The following CLSTN2 variants were observed in gnomAD, a reference collection of about 807,000 sequenced individuals.
CLSTN2 encodes calsyntenin-2.
Under a neutral mutation model 101.2 loss-of-function variants are expected in CLSTN2, and 48 were observed. The observed-to-expected ratio is 0.47, with a 90% confidence interval of 0.38 to 0.60. CLSTN2 has a LOEUF of 0.60. Ranked by LOEUF, CLSTN2 falls within the 20% of genes least tolerant of loss-of-function variation. CLSTN2 has a pLI of 0.00. For synonymous variants in CLSTN2, 481 were observed against 463.6 expected (o/e 1.04, Z -0.48); for missense variants, 1,160 against 1,238.2 (o/e 0.94, Z 0.95).
At chr3:140,021,579 T>A (rs531909815) in intron 1 of CLSTN2, among the ~76,000 whole-genome samples, 1 of 152,216 alleles carries the variant, frequency 6.6e-6, no homozygotes, top group East Asian at 1.9e-4. Flanking sequence ...TATGAATGTG[T>A]CTCTGTATGC....
intron 2 of CLSTN2, among the ~76,000 whole-genome samples, chr3:140,358,041 G>A (rs2087691944): frequency 6.6e-6 from 1 of 152,194 alleles, no homozygotes; most frequent in Non-Finnish European, 1.5e-5. Context: ...GGGTTAAGCT[G>A]TCTTTGATCC....
chr3:140,204,245 C>G (rs570553452), intron 2 of CLSTN2, among the ~76,000 whole-genome samples: 9 of 152,252 alleles, frequency 5.9e-5, no homozygotes, highest in African/African-American at 2.2e-4. Context: ...TTTGGGGCCA[C>G]CCAAAAACAT....
chr3:140,171,752 GTATAATA>G (rs67310886), intron 1 of CLSTN2, among the ~76,000 whole-genome samples: 11,598 of 94,388 alleles, frequency 0.12, 813 homozygotes, highest in Middle Eastern at 0.17. Flanking sequence ...TATATAATAT[GTATAATA>G]TATAATATAT....
At chr3:140,241,471 G>C (rs937464829) in intron 2 of CLSTN2, among the ~76,000 whole-genome samples, 1 of 152,122 alleles carries the variant, frequency 6.6e-6, no homozygotes, top group Non-Finnish European at 1.5e-5. Flanking sequence ...AAACATGTAA[G>C]AAATGACCTA....
intron 5 of CLSTN2, among the ~76,000 whole-genome samples, chr3:140,426,161 G>A (rs2088563052): frequency 3.3e-5 from 5 of 152,138 alleles, no homozygotes; most frequent in Admixed American, 3.3e-4. Flanking sequence ...ACATGTGCAG[G>A]ACATGCAGGT....
chr3:140,024,114 G>A (rs911080916), intron 1 of CLSTN2, among the ~76,000 whole-genome samples: 3 of 152,174 alleles, frequency 2.0e-5, no homozygotes, highest in African/African-American at 7.2e-5. Flanking sequence ...AAATGGGGGT[G>A]GATCATGTCA....
intron 2 of CLSTN2, among the ~76,000 whole-genome samples, chr3:140,207,560 T>C (rs1002561956): frequency 6.6e-6 from 1 of 152,202 alleles, no homozygotes; most frequent in Non-Finnish European, 1.5e-5. Context: ...GCTTCACAAA[T>C]TCAAAAGTTC....
At chr3:140,233,458 G>A (rs542475717) in intron 2 of CLSTN2, among the ~76,000 whole-genome samples, 1 of 152,222 alleles carries the variant, frequency 6.6e-6, no homozygotes, top group South Asian at 2.1e-4. Context: ...TCCTCCTCGA[G>A]CTATGGACTC....
At chr3:140,046,657 G>T (rs1307312436) in intron 1 of CLSTN2, among the ~76,000 whole-genome samples, 1 of 152,142 alleles carries the variant, frequency 6.6e-6, no homozygotes, top group African/African-American at 2.4e-5. Flanking sequence ...GGTACCGGTT[G>T]TTCCTTTCCA....
rs992674024 is a variant in CLSTN2 at position 140,108,350 on chromosome 3, T to C, written c.110-67601T>C. 5.3e-5 allele frequency among the ~76,000 whole-genome samples: 8 copies of C among 152,214 alleles called. No individual in the cohort carries two copies. In the East Asian group the frequency reaches 1.5e-3, roughly 29 times the overall value. On this transcript the variant is annotated intron_variant, in intron 1 of 16. Transcript: ENST00000458420. ...ATTACTTAGAAGTCAAAGTCTCCAT[T>C]ACACTTGTCCAAGTCATAAGAAGAA... is the stretch of plus-strand genomic sequence containing the variant.
chr3:140,134,803 C>A (rs2009575416), intron 1 of CLSTN2, among the ~76,000 whole-genome samples: 1 of 151,964 alleles, frequency 6.6e-6, no homozygotes. Context: ...GATGCATGAG[C>A]TGTCATTCCA....
At chr3:140,070,643 A>G (rs929756345) in intron 1 of CLSTN2, among the ~76,000 whole-genome samples, 6 of 152,162 alleles carry the variant, frequency 3.9e-5, no homozygotes, top group African/African-American at 1.4e-4. Flanking sequence ...CCCAGCTATT[A>G]ACTATTACAT....
chr3:139,956,070 T>G (rs1196251332), intron 1 of CLSTN2, among the ~76,000 whole-genome samples: 1 of 152,192 alleles, frequency 6.6e-6, no homozygotes, highest in African/African-American at 2.4e-5. Context: ...GAGATTTCCC[T>G]TGTCACGACT....
chr3:140,287,201 C>A (rs2086902884), intron 2 of CLSTN2, among the ~76,000 whole-genome samples: 1 of 152,038 alleles, frequency 6.6e-6, no homozygotes, highest in Non-Finnish European at 1.5e-5. Flanking sequence ...ATCAGCAATA[C>A]AAAGCAGTAA....
intron 1 of CLSTN2, among the ~76,000 whole-genome samples, chr3:139,937,265 C>A (rs1005105092): frequency 6.6e-6 from 1 of 152,048 alleles, no homozygotes. Flanking sequence ...AGTAATAATG[C>A]ACGGCTGAGT....
intron 2 of CLSTN2, among the ~76,000 whole-genome samples, chr3:140,234,434 C>T (rs577128519): frequency 6.6e-5 from 10 of 152,172 alleles, no homozygotes; most frequent in Non-Finnish European, 1.3e-4. Context: ...AAACTTAACT[C>T]TCAGGGTCTC....
At chr3:140,437,088 G>A (rs1001917006) in intron 5 of CLSTN2, among the ~76,000 whole-genome samples, 14 of 144,570 alleles carry the variant, frequency 9.7e-5, no homozygotes, top group East Asian at 8.3e-4. Context: ...TTGCTCTGTC[G>A]CCCAGGCTGG....
chr3:140,464,299 A>C (rs920378382), intron 7 of CLSTN2, among the ~76,000 whole-genome samples: 2 of 152,174 alleles, frequency 1.3e-5, no homozygotes, highest in Non-Finnish European at 2.9e-5. Context: ...GACTGAGTGG[A>C]GAAGAGGAAC....
chr3:140,171,896 A>AT (rs2010243202), intron 1 of CLSTN2, among the ~76,000 whole-genome samples: 1 of 128,434 alleles, frequency 7.8e-6, no homozygotes, highest in Admixed American at 9.7e-5. Context: ...TATATAATAT[A>AT]TATTATATAT....
Sources: allele counts gnomAD v4.1 joint callset (sites outside exome capture counted in the v4.1 genomes callset), GRCh38; gene constraint gnomAD v4.1.1; transcripts MANE v1.5; gene names NCBI Gene and HGNC (gene_info 2026-07-23, HGNC 2026-07-21).